The following LSAMP variants were observed in gnomAD, a reference collection of about 807,000 sequenced individuals.
LSAMP encodes the protein limbic system associated membrane protein.
LSAMP carries 7 observed loss-of-function variants against 38.6 expected under a neutral mutation model. The ratio of observed to expected loss-of-function variants is 0.18; its 90% CI spans 0.10 to 0.34. The LOEUF (loss-of-function observed/expected upper bound fraction) is 0.34. Among genes scored for constraint, LSAMP ranks in the 10% least tolerant of loss-of-function variants. The probability of loss-of-function intolerance (pLI) is 1.00; values close to 1 mark genes in which losing one functional copy is unlikely to be tolerated. For missense variants in LSAMP, 313 were observed against 420.0 expected, an observed-to-expected ratio of 0.75 and a Z score of 2.23; for synonymous variants, 154 against 166.8, an observed-to-expected ratio of 0.92 and a Z score of 0.59.
intron 3 of LSAMP, among the ~76,000 whole-genome samples, chr3:115,947,589 A>G (rs1006176855): frequency 6.6e-6 from 1 of 152,226 alleles, no homozygotes; most frequent in Non-Finnish European, 1.5e-5. Flanking sequence ...CATGGGTTGT[A>G]GTAACACCAG....
chr3:116,188,476 CT>C (rs778718442), intron 1 of LSAMP, among the ~76,000 whole-genome samples: 1 of 152,134 alleles, frequency 6.6e-6, no homozygotes, highest in Non-Finnish European at 1.5e-5. Context: ...ATCCCAGGGA[CT>C]TTGCTGCTTT....
At chr3:116,010,394 T>C (rs970607178) in intron 3 of LSAMP, among the ~76,000 whole-genome samples, 1 of 152,206 alleles carries the variant, frequency 6.6e-6, no homozygotes, top group African/African-American at 2.4e-5. Flanking sequence ...CTTCAGAAAA[T>C]ATTTATTGAA....
chr3:115,998,993 C>A (rs1939908798), intron 3 of LSAMP, among the ~76,000 whole-genome samples: 1 of 152,108 alleles, frequency 6.6e-6, no homozygotes, highest in Admixed American at 6.5e-5. Context: ...CCCATGGTAT[C>A]AATTTAAAGC....
chr3:116,212,581 A>C (rs2107607952), intron 1 of LSAMP, among the ~76,000 whole-genome samples: 1 of 152,310 alleles, frequency 6.6e-6, no homozygotes, highest in East Asian at 1.9e-4. Flanking sequence ...ACAGAAGTAA[A>C]ATTATCTTCA....
chr3:115,844,061 T>C (rs1489213970), intron 4 of LSAMP, among the ~76,000 whole-genome samples: 1 of 152,234 alleles, frequency 6.6e-6, no homozygotes. Flanking sequence ...TTTGGACTTC[T>C]CATCATACGT....
At chr3:115,854,965 G>T (rs1351731632) in intron 3 of LSAMP, among the ~76,000 whole-genome samples, 2 of 152,184 alleles carry the variant, frequency 1.3e-5, no homozygotes, top group African/African-American at 4.8e-5. Context: ...AATAATTTCA[G>T]AATGTTTTAG....
At chr3:115,954,444 T>C (rs2107583094) in intron 3 of LSAMP, among the ~76,000 whole-genome samples, 1 of 152,252 alleles carries the variant, frequency 6.6e-6, no homozygotes, top group South Asian at 2.1e-4. Context: ...GCAAGAAAAA[T>C]TAAGTTCTGA....
chr3:116,358,623 T>C (rs1294231753), intron 1 of LSAMP, among the ~76,000 whole-genome samples: 1 of 152,144 alleles, frequency 6.6e-6, no homozygotes, highest in Admixed American at 6.5e-5. Context: ...AATCCACCGA[T>C]CGAAATGCTT....
At chr3:116,273,043 T>C (rs1246622333) in intron 1 of LSAMP, among the ~76,000 whole-genome samples, 1 of 152,152 alleles carries the variant, frequency 6.6e-6, no homozygotes. Flanking sequence ...TGAACACTAC[T>C]TAGAATTGCT....
rs951742296 is a variant in LSAMP at position 115,807,782 on chromosome 3, CTGTT to C, written c.*2531_*2534del. 15 of 152,094 alleles carry C rather than the reference CTGTT, an allele frequency of 9.9e-5. No individual in the cohort carries two copies. The highest frequency in any genetic ancestry group is 3.6e-4 in the African/African-American group (15 of 41,366). The allele number at this position is 152,094 out of a possible 1,614,324, so 9.4% of individuals were successfully genotyped here. A position where few individuals can be genotyped will look rare whatever the true frequency, so the allele number is the denominator to read the frequency against. On this transcript the variant is annotated 3_prime_UTR_variant, in exon 7 of 7. Coordinates refer to ENST00000490035, the MANE Select transcript of LSAMP (RefSeq NM_002338.5). ...TTATTCTTGAACTAAGAAGACCAAA[CTGTT>C]AAGAGAAATACCTGATTGTCAATAA...
chr3:116,168,510 C>A (rs1487158873), intron 1 of LSAMP, among the ~76,000 whole-genome samples: 1 of 152,178 alleles, frequency 6.6e-6, no homozygotes, highest in African/African-American at 2.4e-5. Context: ...TTGATGTTTA[C>A]AACCTCTAAG....
chr3:116,428,974 C>A (rs2049242091), intron 1 of LSAMP, among the ~76,000 whole-genome samples: 1 of 152,140 alleles, frequency 6.6e-6, no homozygotes, highest in African/African-American at 2.4e-5. Context: ...CTGTTAGTTC[C>A]TAAACTCTGT....
chr3:115,832,941 G>T lies in LSAMP; in HGVS notation c.919+8904C>A, dbSNP rs571832189. Among the ~76,000 whole-genome samples the T allele has an allele frequency of 2.0e-5, 3 of 152,240 alleles. No homozygotes were observed. The South Asian group carries it at 6.2e-4, about 32-fold the overall frequency. On this transcript the variant is annotated intron_variant, in intron 6 of 6. Transcript: ENST00000490035. The stretch of plus-strand genomic sequence containing the variant: ...ATCCGACAGCTGTCTTTTGTGAATG[G>T]TGTCTGGCTTCACTTTGTTGAAAGT...
chr3:116,105,176 G>GAA (rs1559744261), intron 1 of LSAMP, among the ~76,000 whole-genome samples: 21 of 134,138 alleles, frequency 1.6e-4, no homozygotes, highest in African/African-American at 6.8e-4. Flanking sequence ...TTGACTAGGG[G>GAA]GAAAAAAAAA....
At position 115,861,070 on chromosome 3, in the gene LSAMP, TCTCCCTCTTTCCTCCC is replaced by T. The variant is rs1383234580; in HGVS notation, c.515-8469_515-8454del. Among the ~76,000 whole-genome samples, 32 of 39,470 alleles carry T rather than the reference TCTCCCTCTTTCCTCCC, an allele frequency of 8.1e-4. No homozygotes were observed. In the South Asian group the frequency reaches 0.031, roughly 38 times the overall value. 25.9% of individuals were successfully genotyped at this position (39,470 alleles called of 152,430 possible). A position where few individuals can be genotyped will look rare whatever the true frequency, so the allele number is the denominator to read the frequency against. On this transcript the variant is annotated intron_variant, in intron 3 of 6. Coordinates refer to ENST00000490035, the MANE Select transcript of LSAMP (RefSeq NM_002338.5). Reference sequence around the variant, plus strand: ...CCCTCCTCCCCTCCCTCCCTCCCTCTCTCCCTCTTTCCTCCCCTCCCTCTCTCCCTCTTTCCTCCCC... The same window carrying T: ...CCCTCCTCCCCTCCCTCCCTCCCTCTCTCCCTCTCTCCCTCTTTCCTCCCC...
At chr3:116,207,103 A>G (rs1685149689) in intron 1 of LSAMP, among the ~76,000 whole-genome samples, 1 of 152,068 alleles carries the variant, frequency 6.6e-6, no homozygotes, top group African/African-American at 2.4e-5. Flanking sequence ...TTGGGTGCAT[A>G]TATATTTAGA....
At chr3:116,091,345 A>G (rs928317333) in intron 1 of LSAMP, among the ~76,000 whole-genome samples, 9 of 152,190 alleles carry the variant, frequency 5.9e-5, no homozygotes, top group Non-Finnish European at 1.2e-4. Context: ...ATGCTGTACA[A>G]TTTGTGCAGT....
At chr3:115,935,860 C>A (rs776591582) in intron 3 of LSAMP, among the ~76,000 whole-genome samples, 3 of 152,156 alleles carry the variant, frequency 2.0e-5, no homozygotes, top group Admixed American at 2.0e-4. Flanking sequence ...GAACCTGGAA[C>A]GTAATTTGAA....
chr3:116,322,911 G>T (rs1222450364), intron 1 of LSAMP, among the ~76,000 whole-genome samples: 2 of 151,936 alleles, frequency 1.3e-5, no homozygotes, highest in East Asian at 3.9e-4. Flanking sequence ...AAAGCATGGG[G>T]TTTGCATTTT....
Sources: allele counts gnomAD v4.1 joint callset (sites outside exome capture counted in the v4.1 genomes callset), GRCh38; gene constraint gnomAD v4.1.1; transcripts MANE v1.5; gene names NCBI Gene and HGNC (gene_info 2026-07-23, HGNC 2026-07-21).